The following ZCCHC2 variants were observed in gnomAD, a reference collection of about 807,000 sequenced individuals.
The protein encoded by ZCCHC2 is zinc finger CCHC domain-containing protein 2.
ZCCHC2 carries 39 observed loss-of-function variants against 103.6 expected under a neutral mutation model. That is an observed-to-expected ratio of 0.38 (90% CI 0.29 to 0.49). The LOEUF is 0.49. ZCCHC2 is among the 20% of genes least tolerant of loss of function. The pLI is 0.96. For synonymous variants in ZCCHC2, 687 were observed against 608.9 expected, an observed-to-expected ratio of 1.13 and a Z score of -1.89; for missense variants, 1,483 against 1,491.0, an observed-to-expected ratio of 0.99 and a Z score of 0.09.
At chr18:62,545,370 A>G (rs146458200) in intron 4 of ZCCHC2, among the ~76,000 whole-genome samples, 2 of 152,222 alleles carry the variant, frequency 1.3e-5, no homozygotes, top group African/African-American at 4.8e-5. Context: ...CAGACTTCAC[A>G]ACTATTCAGC....
At chr18:62,562,163 AT>A (rs1463569611) in intron 8 of ZCCHC2, among the ~76,000 whole-genome samples, 6 of 148,640 alleles carry the variant, frequency 4.0e-5, no homozygotes, top group Admixed American at 6.7e-5. Context: ...TGCCTGGCTA[AT>A]TTTTTTTTTG....
chr18:62,531,348 G>C lies in ZCCHC2; in HGVS notation c.939+6985G>C, dbSNP rs562614358. Among the ~76,000 whole-genome samples the C allele has an allele frequency of 1.6e-4, 25 of 152,220 alleles. No homozygotes were observed. In the South Asian group the frequency reaches 4.8e-3, roughly 29 times the overall value. On this transcript the variant is annotated intron_variant, in intron 1 of 13. Transcript: ENST00000269499. ...TCCTTCTGTTTTTCCTATGCTCTCG[G>C]GAACATTTGACCTTTAGTTCCTTTC...
chr18:62,583,905 A>G (rs530138773), intron 14 of ZCCHC2, among the ~76,000 whole-genome samples: 1 of 152,186 alleles, frequency 6.6e-6, no homozygotes, highest in East Asian at 1.9e-4. Context: ...TTTTAACTGG[A>G]GTGCCCTCGC....
At chr18:62,569,682 A>G (rs1447430466) in intron 11 of ZCCHC2, among the ~76,000 whole-genome samples, 1 of 152,056 alleles carries the variant, frequency 6.6e-6, no homozygotes, top group Non-Finnish European at 1.5e-5. Flanking sequence ...ACTAGATGGG[A>G]AGCATTTTAT....
intron 4 of ZCCHC2, among the ~76,000 whole-genome samples, chr18:62,548,387 A>G (rs1284172208): frequency 6.6e-6 from 1 of 152,222 alleles, no homozygotes; most frequent in Non-Finnish European, 1.5e-5. Flanking sequence ...TCTGCCCAGC[A>G]ACGTGAACAG....
At chr18:62,572,005 T>C (rs1916615661) in intron 12 of ZCCHC2, among the ~76,000 whole-genome samples, 1 of 152,202 alleles carries the variant, frequency 6.6e-6, no homozygotes, top group Non-Finnish European at 1.5e-5. Context: ...ATCTGCAGTT[T>C]CCTTGTGAAA....
intron 8 of ZCCHC2, among the ~76,000 whole-genome samples, chr18:62,561,855 CTG>C (rs1327279109): frequency 6.6e-6 from 1 of 152,220 alleles, no homozygotes; most frequent in Admixed American, 6.5e-5. Context: ...ATTCTTGAAT[CTG>C]TAGCTTGATG....
chr18:62,552,939 G>A (rs1278728953), intron 5 of ZCCHC2, among the ~76,000 whole-genome samples: 1 of 151,370 alleles, frequency 6.6e-6, no homozygotes, highest in Non-Finnish European at 1.5e-5. Flanking sequence ...AAAGCTTTTA[G>A]GATTCTCCTC....
intron 8 of ZCCHC2, among the ~76,000 whole-genome samples, chr18:62,562,739 C>CTG (rs1916179228): frequency 6.6e-6 from 1 of 152,190 alleles, no homozygotes; most frequent in Non-Finnish European, 1.5e-5. Flanking sequence ...TCTGTCCCAG[C>CTG]TGTAAGCAGT....
At chr18:62,561,705 A>T (rs1337681174) in intron 8 of ZCCHC2, among the ~76,000 whole-genome samples, 2 of 152,228 alleles carry the variant, frequency 1.3e-5, no homozygotes, top group African/African-American at 2.4e-5. Flanking sequence ...AGAGGAACTC[A>T]CACTTAAGTC....
rs777801662 is a variant in ZCCHC2, at chr18:62,574,307, C to T, written c.2226C>T (p.Pro742=). The T allele has an allele frequency of 2.4e-5, 38 of 1,613,930 alleles. No individual in the cohort carries two copies. Among genetic ancestry groups the T allele is most frequent in the Admixed American group, 2.3e-4 (14 of 60,006 alleles). The part of the protein sequence containing the change: ...KSEVVVPAPK[P]ADGKTIGMLV... Reference sequence around the variant, plus strand: ...AAGTTGTCGTTCCTGCACCCAAACCCGCTGATGGCAAAACCATAGGGATGC... The same window carrying T: ...AAGTTGTCGTTCCTGCACCCAAACCTGCTGATGGCAAAACCATAGGGATGC... Residue 742 remains proline, a synonymous_variant, in exon 13 of 14, where the codon CCC becomes CCT. Coordinates refer to ENST00000269499, the MANE Select transcript of ZCCHC2 (RefSeq NM_017742.6).
intron 11 of ZCCHC2, among the ~76,000 whole-genome samples, chr18:62,569,128 T>C (rs1056489832): frequency 1.3e-5 from 2 of 152,254 alleles, no homozygotes; most frequent in African/African-American, 4.8e-5. Context: ...CTAATGACTT[T>C]ATTTTTCTTC....
At chr18:62,563,320 T>G (rs1200013943) in intron 9 of ZCCHC2, among the ~76,000 whole-genome samples, 176 bp downstream of exon 9, 1 of 152,220 alleles carries the variant, frequency 6.6e-6, no homozygotes, top group East Asian at 1.9e-4. Context: ...CCTGAAAATG[T>G]GTATTTAGAT....
intron 14 of ZCCHC2, among the ~76,000 whole-genome samples, chr18:62,584,176 T>G (rs1377348726): frequency 6.6e-6 from 1 of 152,184 alleles, no homozygotes; most frequent in African/African-American, 2.4e-5. Flanking sequence ...GAGTTCTGTG[T>G]GTGTATGCAA....
chr18:62,527,616 A>G lies in ZCCHC2; in HGVS notation c.939+3253A>G, dbSNP rs147343037. ...TGTACATAAATCTCACATTCCTCAC[A>G]CAACTGCGGTGGACTGCCAGTAACT... On this transcript the variant is annotated intron_variant, in intron 1 of 13. Coordinates refer to ENST00000269499, the MANE Select transcript of ZCCHC2 (RefSeq NM_017742.6). Among the ~76,000 whole-genome samples the G allele has an allele frequency of 2.0e-4, 30 of 152,308 alleles. No individual in the cohort carries two copies. The East Asian group carries it at 5.6e-3, about 28-fold the overall frequency.
chr18:62,567,122 G>T (rs1002435753), intron 11 of ZCCHC2, among the ~76,000 whole-genome samples: 7 of 152,138 alleles, frequency 4.6e-5, no homozygotes, highest in African/African-American at 1.7e-4. Context: ...TGTACAGCTT[G>T]TCTTATTGAT....
intron 12 of ZCCHC2, 75 bp downstream of exon 12, chr18:62,570,306 C>A: frequency 1.3e-6 from 2 of 1,536,312 alleles, no homozygotes; most frequent in Non-Finnish European, 1.8e-6. Context: ...GTTGTTTCTT[C>A]ATGTCAAAGT....
intron 4 of ZCCHC2, among the ~76,000 whole-genome samples, chr18:62,547,058 C>T (rs1370903097): frequency 6.6e-6 from 1 of 152,002 alleles, no homozygotes; most frequent in Non-Finnish European, 1.5e-5. Context: ...GGTTCGGTGG[C>T]TCATGCCTGT....
At chr18:62,566,423 C>G (rs1916366702) in intron 11 of ZCCHC2, among the ~76,000 whole-genome samples, 1 of 152,158 alleles carries the variant, frequency 6.6e-6, no homozygotes, top group South Asian at 2.1e-4. Flanking sequence ...GGAGGAGGAA[C>G]AAGCTAAATG....
Sources: allele counts gnomAD v4.1 joint callset (sites outside exome capture counted in the v4.1 genomes callset), GRCh38; gene constraint gnomAD v4.1.1; transcripts MANE v1.5; gene names NCBI Gene and HGNC (gene_info 2026-07-23, HGNC 2026-07-21).